The following KLRD1 variants were observed in gnomAD, a reference collection of about 807,000 sequenced individuals.
KLRD1 encodes killer cell lectin like receptor D1.
KLRD1 carries 21 observed loss-of-function variants against 22.6 expected under a neutral mutation model. The observed-to-expected ratio is 0.93, with a 90% CI of 0.66 to 1.34. The LOEUF (loss-of-function observed/expected upper bound fraction) is 1.34, where lower values mean the gene tolerates loss of function less well. KLRD1 is among the 40% of genes most tolerant of loss of function. The pLI is 0.00. For synonymous variants in KLRD1, 59 were observed against 71.1 expected, an observed-to-expected ratio of 0.83 and a Z score of 0.85; for missense variants, 183 against 208.6, an observed-to-expected ratio of 0.88 and a Z score of 0.76.
At position 10,325,524 on chromosome 12, in the gene KLRD1, T is replaced by G. The variant is rs1358734510; in HGVS notation, c.*10731T>G. On this transcript the variant is annotated 3_prime_UTR_variant, in exon 6 of 6. Transcript: ENST00000336164. ...TGCCCTTTGATTAACGACGTCCCAT[T>G]TTTTCCTCTCTCCATTCCTGGCAAC... is the stretch of plus-strand genomic sequence containing the variant. The G allele has an allele frequency of 6.6e-6, 1 of 152,188 alleles. No individual in the cohort carries two copies. The highest frequency in any genetic ancestry group is 2.4e-5 in the African/African-American group (1 of 41,452). 9.4% of individuals were successfully genotyped at this position (152,188 alleles called of 1,614,324 possible). A position where few individuals can be genotyped will look rare whatever the true frequency, so the allele number is the denominator to read the frequency against.
chr12:10,301,334 A>G (rs145498651), upstream of KLRD1, among the ~76,000 whole-genome samples: 174 of 152,314 alleles, frequency 1.1e-3, no homozygotes, highest in African/African-American at 4.1e-3. Flanking sequence ...CTGCATACCA[A>G]CAAAACCACC....
At chr12:10,244,011 T>C (rs927542920) in intron 1 of KLRD1, among the ~76,000 whole-genome samples, 1 of 152,242 alleles carries the variant, frequency 6.6e-6, no homozygotes, top group South Asian at 2.1e-4. Context: ...TAGAAACTGT[T>C]GTTTAGTGGT....
At chr12:10,285,243 T>C (rs919365622) in intron 1 of KLRD1, among the ~76,000 whole-genome samples, 1 of 152,208 alleles carries the variant, frequency 6.6e-6, no homozygotes, top group Non-Finnish European at 1.5e-5. Flanking sequence ...TACCTTTAGA[T>C]TGTGTTGTTG....
intron 1 of KLRD1, among the ~76,000 whole-genome samples, chr12:10,283,291 A>T (rs1949663736): frequency 6.6e-6 from 1 of 152,166 alleles, no homozygotes; most frequent in Non-Finnish European, 1.5e-5. Context: ...TGAGGGAAGG[A>T]CAAAAACACG....
intron 3 of KLRD1, among the ~76,000 whole-genome samples, chr12:10,310,083 T>G (rs1166977801): frequency 6.6e-6 from 1 of 152,210 alleles, no homozygotes; most frequent in Non-Finnish European, 1.5e-5. Context: ...TTTCTAAACC[T>G]TACTTATCCA....
At chr12:10,297,300 T>G (rs914449806) in intron 1 of KLRD1, among the ~76,000 whole-genome samples, 6 of 152,228 alleles carry the variant, frequency 3.9e-5, no homozygotes, top group Non-Finnish European at 7.3e-5. Context: ...TATAACTGTT[T>G]TCTTAGGAAA....
At chr12:10,239,484 TCTTCCTTC>T (rs139303489) in intron 1 of KLRD1, among the ~76,000 whole-genome samples, 4 of 127,574 alleles carry the variant, frequency 3.1e-5, no homozygotes, top group Admixed American at 7.5e-5. Flanking sequence ...CTTCCTTCCT[TCTTCCTTC>T]CTTCCTTCCT....
intron 1 of KLRD1, among the ~76,000 whole-genome samples, chr12:10,257,211 G>A (rs1279872056): frequency 1.4e-5 from 2 of 142,910 alleles, no homozygotes; most frequent in East Asian, 2.0e-4. Flanking sequence ...TCTTATTGTG[G>A]GTCTCTTTTC....
At chr12:10,302,772 C>CAA (rs201926634), upstream of KLRD1, among the ~76,000 whole-genome samples, 20 of 131,922 alleles carry the variant, frequency 1.5e-4, no homozygotes, top group African/African-American at 4.6e-4. Context: ...AAAAACACCT[C>CAA]AAAAAAAAAA....
At chr12:10,266,974 G>T (rs182783931) in intron 1 of KLRD1, among the ~76,000 whole-genome samples, 2,393 of 147,404 alleles carry the variant, frequency 0.016, 34 homozygotes, top group Non-Finnish European at 0.024. Context: ...GGGTACATGT[G>T]CACAACGTGC....
At chr12:10,286,999 G>A (rs112685162) in intron 1 of KLRD1, among the ~76,000 whole-genome samples, 5,325 of 152,112 alleles carry the variant, frequency 0.035, 322 homozygotes, top group African/African-American at 0.12. Context: ...TTAGACGGGC[G>A]TGGTGGTGCG....
chr12:10,265,220 TATC>T (rs144676318), intron 1 of KLRD1, among the ~76,000 whole-genome samples: 2,327 of 152,288 alleles, frequency 0.015, 48 homozygotes, highest in African/African-American at 0.054. Context: ...GAACTTATTT[TATC>T]ATATTATATA....
chr12:10,240,068 T>C (rs1481939326), intron 1 of KLRD1, among the ~76,000 whole-genome samples: 1 of 147,884 alleles, frequency 6.8e-6, no homozygotes, highest in Admixed American at 6.7e-5. Flanking sequence ...CTTTCTTTCT[T>C]TTTTTTTTTG....
At chr12:10,299,479 T>A (rs913723346), upstream of KLRD1, among the ~76,000 whole-genome samples, 2 of 152,246 alleles carry the variant, frequency 1.3e-5, no homozygotes, top group Non-Finnish European at 2.9e-5. Flanking sequence ...ATAAAAGTTA[T>A]GTTTATACTA....
chr12:10,266,689 A>G (rs974499926), intron 1 of KLRD1, among the ~76,000 whole-genome samples: 2 of 151,904 alleles, frequency 1.3e-5, no homozygotes, highest in Non-Finnish European at 2.9e-5. Flanking sequence ...ATATATGCAC[A>G]CACATATATA....
intron 1 of KLRD1, among the ~76,000 whole-genome samples, chr12:10,278,168 A>C (rs1425844219): frequency 1.3e-5 from 2 of 152,168 alleles, no homozygotes; most frequent in African/African-American, 4.8e-5. Flanking sequence ...CTTTTGGCAG[A>C]TTAACTACAA....
At chr12:10,257,601 T>C (rs967965229) in intron 1 of KLRD1, among the ~76,000 whole-genome samples, 1 of 151,470 alleles carries the variant, frequency 6.6e-6, no homozygotes, top group Non-Finnish European at 1.5e-5. Flanking sequence ...GATATTCTCA[T>C]TTTGTTCTAT....
intron 1 of KLRD1, among the ~76,000 whole-genome samples, chr12:10,288,703 G>GT (rs1277769767): frequency 6.6e-6 from 1 of 152,070 alleles, no homozygotes; most frequent in Non-Finnish European, 1.5e-5. Context: ...ATTTTTAATG[G>GT]TTTTATACAT....
intron 1 of KLRD1, among the ~76,000 whole-genome samples, chr12:10,274,668 A>G (rs1266311686): frequency 6.6e-6 from 1 of 152,114 alleles, no homozygotes; most frequent in Non-Finnish European, 1.5e-5. Context: ...CAATTCATTA[A>G]TTCTCTCTTC....
Sources: gnomAD v4.1 joint callset for allele counts (sites outside exome capture counted in the v4.1 genomes callset) on GRCh38, gnomAD v4.1.1 for gene constraint, MANE v1.5 for transcripts, NCBI Gene and HGNC (gene_info 2026-07-23, HGNC 2026-07-21) for gene names.